GLYAT: variants seen among roughly 807,000 people sequenced by gnomAD.
GLYAT encodes glycine N-acyltransferase.
A neutral mutation model predicts 22.8 loss-of-function variants in GLYAT; 25 were observed. The ratio of observed to expected loss-of-function variants is 1.09; its 90% CI spans 0.80 to 1.53. The LOEUF is 1.53. Ranked by LOEUF, GLYAT falls within the 40% of genes most tolerant of loss-of-function variation. The pLI is 0.00. For missense variants in GLYAT, 411 were observed against 353.9 expected (o/e 1.16, Z -1.29); for synonymous variants, 140 against 122.7 (o/e 1.14, Z -0.93).
In GLYAT at chr11:58,728,881, AGAAAGAAAGAAGGAAGGAAG is replaced by A. The variant is rs1388966144; in HGVS notation, c.-16+2934_-16+2953del. Among the ~76,000 whole-genome samples, 350 of 124,898 alleles carry A rather than the reference AGAAAGAAAGAAGGAAGGAAG, an allele frequency of 2.8e-3. 3 individuals are homozygous for A. Among genetic ancestry groups the A allele is most frequent in the African/African-American group, 8.7e-3 (275 of 31,514 alleles). 81.9% of individuals were successfully genotyped at this position (124,898 alleles called of 152,430 possible). ...AAGAAAGAAAGAAAGAAAGAAAGAA[AGAAAGAAAGAAGGAAGGAAG>A]GAAGGAAGGAAGGAAGGAAGGAAGG... On this transcript the variant is annotated intron_variant, in intron 1 of 5. Transcript: ENST00000344743.
Position 58,715,421 on chromosome 11 carries a change from A to T in GLYAT, c.84T>A (p.Val28=). The change falls in exon 3 of 6, where the codon GTT becomes GTA. Residue 28 remains valine, a splice_region_variant and synonymous_variant. Coordinates refer to ENST00000344743, the MANE Select transcript of GLYAT (RefSeq NM_201648.3). ...LRKSLPASLK[V]YGTVFHINHG... is the part of the protein sequence containing the mutation. Reference sequence around the variant, plus strand: ...GGTTTATGTGAAAGACAGTTCCATAAACCTGCAGGATCCCAAGAAATTGAC... The same window carrying T: ...GGTTTATGTGAAAGACAGTTCCATATACCTGCAGGATCCCAAGAAATTGAC... 6.9e-7 allele frequency: 1 copy of T among 1,459,512 alleles called. No homozygotes were observed. Among genetic ancestry groups the T allele is most frequent in the Non-Finnish European group, 9.6e-7 (1 of 1,042,948 alleles). 90.4% of individuals were successfully genotyped at this position (1,459,512 alleles called of 1,614,324 possible). A position where few individuals can be genotyped will look rare whatever the true frequency, so the allele number is the denominator to read the frequency against.
chr11:58,713,063 G>T (rs938073205), intron 3 of GLYAT, among the ~76,000 whole-genome samples, 177 bp from the exon 4 acceptor site: 4 of 151,978 alleles, frequency 2.6e-5, no homozygotes, highest in Non-Finnish European at 4.4e-5. Flanking sequence ...TTTGTTATGT[G>T]CATAGAATGT....
At chr11:58,718,144 G>GTAAAA (rs1856706463) in intron 2 of GLYAT, among the ~76,000 whole-genome samples, 1 of 152,012 alleles carries the variant, frequency 6.6e-6, no homozygotes, top group African/African-American at 2.4e-5. Context: ...TAAAGCCTTA[G>GTAAAA]TAAAATAACC....
At chr11:58,714,029 G>T (rs1856648895) in intron 3 of GLYAT, among the ~76,000 whole-genome samples, 1 of 152,028 alleles carries the variant, frequency 6.6e-6, no homozygotes. Flanking sequence ...GTTGAACCTG[G>T]AGGACATTAT....
At chr11:58,714,751 C>T (rs1164577148) in intron 3 of GLYAT, among the ~76,000 whole-genome samples, 2 of 152,108 alleles carry the variant, frequency 1.3e-5, no homozygotes, top group African/African-American at 2.4e-5. Flanking sequence ...GTTTGCTTCC[C>T]CTTCTGTCAG....
At chr11:58,714,757 G>A (rs917901044) in intron 3 of GLYAT, among the ~76,000 whole-genome samples, 2 of 152,116 alleles carry the variant, frequency 1.3e-5, no homozygotes, top group African/African-American at 4.8e-5. Context: ...TTCCCCTTCT[G>A]TCAGGACTGT....
At chr11:58,716,392 C>A (rs1202239791) in intron 2 of GLYAT, among the ~76,000 whole-genome samples, 1 of 150,264 alleles carries the variant, frequency 6.7e-6, no homozygotes, top group African/African-American at 2.5e-5. Flanking sequence ...GCTGCCCCTA[C>A]CCCACATGAA....
chr11:58,721,492 T>G (rs889164169), intron 2 of GLYAT, among the ~76,000 whole-genome samples: 2 of 151,666 alleles, frequency 1.3e-5, no homozygotes, highest in African/African-American at 4.8e-5. Context: ...ACAAAAAAAC[T>G]TTTGCTCGAA....
At chr11:58,717,832 A>G (rs866462542) in intron 2 of GLYAT, among the ~76,000 whole-genome samples, 33 of 152,080 alleles carry the variant, frequency 2.2e-4, no homozygotes, top group African/African-American at 7.5e-4. Context: ...TATTTTTTAA[A>G]TAGGCTTTTA....
intron 1 of GLYAT, among the ~76,000 whole-genome samples, chr11:58,729,291 C>G (rs960330192): frequency 2.6e-5 from 4 of 152,190 alleles, no homozygotes; most frequent in African/African-American, 9.7e-5. Context: ...ATCCCTAGTG[C>G]TCTTTTCACT....
intron 1 of GLYAT, among the ~76,000 whole-genome samples, chr11:58,725,750 T>G (rs974149316): frequency 6.6e-6 from 1 of 152,132 alleles, no homozygotes; most frequent in African/African-American, 2.4e-5. Context: ...AGATCAAGTG[T>G]GCAGTTGGAC....
chr11:58,724,608 T>C, intron 1 of GLYAT, 97 bp from the exon 2 acceptor site: 1 of 525,994 alleles, frequency 1.9e-6, no homozygotes, highest in South Asian at 4.8e-5. Context: ...AGGTTTTTTT[T>C]TTTTAGTGCC....
At chr11:58,728,904 A>G (rs1256877461) in intron 1 of GLYAT, among the ~76,000 whole-genome samples, 2 of 117,546 alleles carry the variant, frequency 1.7e-5, no homozygotes, top group African/African-American at 6.0e-5. Context: ...GAAGGAAGGA[A>G]GGAAGGAAGG....
intron 2 of GLYAT, 62 bp downstream of exon 2, chr11:58,724,354 T>C: frequency 2.3e-6 from 2 of 877,328 alleles, no homozygotes; most frequent in Non-Finnish European, 3.7e-6. Flanking sequence ...TATCAGTCCC[T>C]TTCCCTCCTC....
intron 2 of GLYAT, among the ~76,000 whole-genome samples, chr11:58,720,889 T>G (rs1004525384): frequency 2.0e-5 from 3 of 152,010 alleles, no homozygotes; most frequent in Admixed American, 1.3e-4. Context: ...ACATTTCTAC[T>G]ATTACTTTAC....
chr11:58,725,901 G>C (rs779800980), intron 1 of GLYAT, among the ~76,000 whole-genome samples: 1 of 152,140 alleles, frequency 6.6e-6, no homozygotes, highest in Non-Finnish European at 1.5e-5. Flanking sequence ...TGTGAGCATA[G>C]AGTTGTATGC....
chr11:58,715,427 C>A lies in GLYAT; in HGVS notation c.82-4G>T. Reference sequence around the variant, plus strand: ...TGTGAAAGACAGTTCCATAAACCTGCAGGATCCCAAGAAATTGACAGGGTT... The same window carrying A: ...TGTGAAAGACAGTTCCATAAACCTGAAGGATCCCAAGAAATTGACAGGGTT... On this transcript the variant is annotated splice_polypyrimidine_tract_variant and splice_region_variant and intron_variant, in intron 2 of 5. Coordinates refer to ENST00000344743, the MANE Select transcript of GLYAT (RefSeq NM_201648.3). The A allele has an allele frequency of 7.2e-7, 1 of 1,382,204 alleles. No individual in the cohort carries two copies. The highest frequency in any genetic ancestry group is 1.0e-6 in the Non-Finnish European group (1 of 976,212). The allele number at this position is 1,382,204 out of a possible 1,614,324, so 85.6% of individuals were successfully genotyped here. A position where few individuals can be genotyped will look rare whatever the true frequency, so the allele number is the denominator to read the frequency against.
chr11:58,720,759 G>C (rs1856739462), intron 2 of GLYAT, among the ~76,000 whole-genome samples: 1 of 151,920 alleles, frequency 6.6e-6, no homozygotes, highest in Non-Finnish European at 1.5e-5. Flanking sequence ...GTTTGGGGCT[G>C]GGTTCATAGT....
At chr11:58,722,534 G>C (rs759913226) in intron 2 of GLYAT, among the ~76,000 whole-genome samples, 1 of 152,082 alleles carries the variant, frequency 6.6e-6, no homozygotes, top group East Asian at 1.9e-4. Context: ...CAGGGAGAAA[G>C]CTTTCAGGTC....
Sources: gnomAD v4.1 joint callset for allele counts (sites outside exome capture counted in the v4.1 genomes callset) on GRCh38, gnomAD v4.1.1 for gene constraint, MANE v1.5 for transcripts, NCBI Gene and HGNC (gene_info 2026-07-23, HGNC 2026-07-21) for gene names.